The following CCT4 variants were observed in gnomAD, a reference collection of about 807,000 sequenced individuals.
The protein encoded by CCT4 is T-complex protein 1 subunit delta.
CCT4 carries 17 observed loss-of-function variants against 62.5 expected under a neutral mutation model. The ratio of observed to expected loss-of-function variants is 0.27; its 90% CI spans 0.19 to 0.41. The LOEUF is 0.41. Ranked by LOEUF, CCT4 falls within the 10% of genes least tolerant of loss-of-function variation. The probability of loss-of-function intolerance (pLI) is 1.00; values close to 1 mark genes in which losing one functional copy is unlikely to be tolerated. For synonymous variants in CCT4, 250 were observed against 229.9 expected, an observed-to-expected ratio of 1.09 and a Z score of -0.79; for missense variants, 592 against 659.2, an observed-to-expected ratio of 0.90 and a Z score of 1.12.
chr2:61,885,882 G>A (rs1386166138), intron 1 of CCT4: 2 of 152,194 alleles, frequency 1.3e-5, no homozygotes, highest in Non-Finnish European at 2.9e-5. Flanking sequence ...ACTGATGGAG[G>A]AGTATCCTTT....
intron 2 of CCT4, among the ~76,000 whole-genome samples, chr2:61,883,773 GACACACAC>G (rs59031193): frequency 0.17 from 24,694 of 143,934 alleles, 2,362 homozygotes; most frequent in Middle Eastern, 0.3. Flanking sequence ...AAGAAATGTA[GACACACAC>G]ACACACACAC....
intron 1 of CCT4, 117 bp downstream of exon 1, chr2:61,888,264 G>A (rs1669305284): frequency 9.5e-6 from 12 of 1,261,118 alleles, no homozygotes; most frequent in Non-Finnish European, 1.2e-5. Context: ...GCTTCTATAG[G>A]GAGGACAAGA....
chr2:61,877,188 A>G (rs1352564903), intron 6 of CCT4, 136 bp from the exon 7 acceptor site: 2 of 907,664 alleles, frequency 2.2e-6, no homozygotes, highest in East Asian at 5.1e-5. Flanking sequence ...CCACTCCTGG[A>G]TCTCTTTGAT....
chr2:61,870,774 T>G (rs1668867461), intron 12 of CCT4, among the ~76,000 whole-genome samples: 2 of 151,898 alleles, frequency 1.3e-5, no homozygotes, highest in South Asian at 4.2e-4. Flanking sequence ...ACAAAAAAAT[T>G]AGCCCGGCCT....
At chr2:61,880,643 T>C (rs1224572321) in intron 3 of CCT4, among the ~76,000 whole-genome samples, 1 of 152,112 alleles carries the variant, frequency 6.6e-6, no homozygotes, top group African/African-American at 2.4e-5. Context: ...AAAGCAAAAA[T>C]ATATCGTAAG....
Position 61,888,509 on chromosome 2 carries a change from G to A in CCT4, c.-2C>T, listed in dbSNP as rs1012521917. On this transcript the variant is annotated 5_prime_UTR_variant, in exon 1 of 14. Transcript: ENST00000394440. The stretch of plus-strand genomic sequence containing the variant: ...CCGGGGTGCCACATTCTCGGGCATG[G>A]CAAACTCCGCTGTGTCTGGGTTGGC... The A allele has an allele frequency of 8.1e-6, 13 of 1,610,996 alleles. No homozygotes were observed. Among genetic ancestry groups the A allele is most frequent in the Non-Finnish European group, 1.1e-5 (13 of 1,178,970 alleles).
chr2:61,878,834 C>G (rs149528389), intron 5 of CCT4, 35 bp downstream of exon 5: 1 of 1,523,356 alleles, frequency 6.6e-7, no homozygotes, highest in East Asian at 2.3e-5. Flanking sequence ...ACACTTTTAA[C>G]TAATTTGACA....
chr2:61,879,256 C>T (rs1350804629), intron 4 of CCT4, among the ~76,000 whole-genome samples: 14 of 101,044 alleles, frequency 1.4e-4, no homozygotes, highest in South Asian at 3.4e-4. Context: ...AAATTTTATA[C>T]TTTTTTTTTT....
chr2:61,880,536 T>C (rs1669089924), intron 3 of CCT4, 142 bp from the exon 4 acceptor site: 1 of 608,930 alleles, frequency 1.6e-6, no homozygotes. Context: ...GTTGTCTACC[T>C]TGGGTTTCAT....
chr2:61,882,622 C>A (rs1169850727), intron 3 of CCT4, among the ~76,000 whole-genome samples: 2 of 152,026 alleles, frequency 1.3e-5, no homozygotes, highest in Non-Finnish European at 2.9e-5. Context: ...AATTCTCCCA[C>A]CTCAGCCTCC....
chr2:61,869,383 T>TA (rs1458386821), intron 13 of CCT4, 57 bp downstream of exon 13: 1 of 962,976 alleles, frequency 1.0e-6, no homozygotes, highest in South Asian at 1.4e-5. Flanking sequence ...AAAAAACCTT[T>TA]AAAAAATATA....
intron 5 of CCT4, among the ~76,000 whole-genome samples, chr2:61,877,997 T>A (rs1669036827): frequency 6.6e-6 from 1 of 152,172 alleles, no homozygotes; most frequent in Non-Finnish European, 1.5e-5. Flanking sequence ...AGAGGTTAAG[T>A]CATTTGGCCA....
intron 10 of CCT4, 70 bp from the exon 11 acceptor site, chr2:61,872,658 C>A (rs982045488): frequency 7.7e-5 from 118 of 1,529,160 alleles, no homozygotes; most frequent in Non-Finnish European, 1.0e-4. Context: ...CCGGGCACGG[C>A]GGCTCACGCC....
At chr2:61,874,826 G>T (rs887389376) in intron 8 of CCT4, among the ~76,000 whole-genome samples, 8 of 152,056 alleles carry the variant, frequency 5.3e-5, no homozygotes, top group Non-Finnish European at 1.2e-4. Context: ...CTTGGTCTAG[G>T]TAAGATTATA....
Position 61,868,373 on chromosome 2 carries a change from T to C in CCT4, c.*319A>G, listed in dbSNP as rs935151979. 1 of 294,374 alleles carries C rather than the reference T, an allele frequency of 3.4e-6. No homozygotes were observed. The highest frequency in any genetic ancestry group is 6.4e-6 in the Non-Finnish European group (1 of 156,734). 18.2% of individuals were successfully genotyped at this position (294,374 alleles called of 1,614,324 possible). ...GGTAGTTTTTAAGGCCAGGGAGCAT[T>C]TATCAGTGATGAGCATATTGGGCCA... On this transcript the variant is annotated 3_prime_UTR_variant, in exon 14 of 14. Coordinates refer to ENST00000394440, the MANE Select transcript of CCT4 (RefSeq NM_006430.4).
chr2:61,882,050 C>T (rs1669129100), intron 3 of CCT4, among the ~76,000 whole-genome samples: 1 of 151,940 alleles, frequency 6.6e-6, no homozygotes, highest in Non-Finnish European at 1.5e-5. Flanking sequence ...TCTCCTGTCT[C>T]TGCCTCCGAG....
intron 8 of CCT4, among the ~76,000 whole-genome samples, chr2:61,874,853 G>T (rs1033446192): frequency 6.6e-6 from 1 of 151,826 alleles, no homozygotes; most frequent in Admixed American, 6.6e-5. Context: ...ACATTTAAAA[G>T]GGAAGATAGG....
chr2:61,877,082 GT>G (rs1558505649), intron 6 of CCT4, 30 bp from the exon 7 acceptor site: 3 of 1,599,540 alleles, frequency 1.9e-6, no homozygotes, highest in Admixed American at 3.4e-5. Context: ...AAGAGGGGTA[GT>G]TAAGAGGGAG....
At chr2:61,883,398 C>G (rs893591873) in intron 3 of CCT4, 61 bp downstream of exon 3, 17 of 835,612 alleles carry the variant, frequency 2.0e-5, no homozygotes, top group African/African-American at 1.9e-4. Flanking sequence ...GCCTGGATGA[C>G]AGAGCAAGAC....
Sources: gnomAD v4.1 joint callset for allele counts (sites outside exome capture counted in the v4.1 genomes callset) on GRCh38, gnomAD v4.1.1 for gene constraint, MANE v1.5 for transcripts, NCBI Gene and HGNC (gene_info 2026-07-23, HGNC 2026-07-21) for gene names.